The following SAMD12 variants were observed in gnomAD, a reference collection of about 807,000 sequenced individuals.
SAMD12 encodes sterile alpha motif domain containing 12, also known as sterile alpha motif domain-containing protein 12.
SAMD12 carries 9 observed loss-of-function variants against 15.0 expected under a neutral mutation model. The ratio of observed to expected loss-of-function variants is 0.60; its 90% CI spans 0.36 to 1.05. The LOEUF is 1.05. SAMD12 is among the 50% of genes least tolerant of loss of function. The pLI is 0.01. For missense variants in SAMD12, 230 were observed against 234.2 expected (o/e 0.98, Z 0.12); for synonymous variants, 86 against 90.1 (o/e 0.96, Z 0.25).
At chr8:118,280,068 G>T (rs912842760) in intron 4 of SAMD12, among the ~76,000 whole-genome samples, 1 of 152,182 alleles carries the variant, frequency 6.6e-6, no homozygotes, top group Admixed American at 6.5e-5. Context: ...AGCTTTTGGT[G>T]GTGGTGATGT....
At chr8:118,264,409 C>CA (rs1813152568) in intron 4 of SAMD12, among the ~76,000 whole-genome samples, 1 of 151,828 alleles carries the variant, frequency 6.6e-6, no homozygotes, top group African/African-American at 2.4e-5. Context: ...ATTTTAAAGC[C>CA]AAAAAGGGAA....
At chr8:118,555,470 C>T (rs1323507751) in intron 2 of SAMD12, among the ~76,000 whole-genome samples, 1 of 152,178 alleles carries the variant, frequency 6.6e-6, no homozygotes, top group East Asian at 1.9e-4. Context: ...AGGATTTCTC[C>T]TAGTGCATCA....
intron 2 of SAMD12, among the ~76,000 whole-genome samples, chr8:118,507,829 C>A (rs963119764): frequency 1.3e-5 from 2 of 152,004 alleles, no homozygotes; most frequent in Admixed American, 6.6e-5. Flanking sequence ...GCACAGATGA[C>A]TGCAAGGCTT....
intron 3 of SAMD12, among the ~76,000 whole-genome samples, chr8:118,395,775 G>A (rs1014842339): frequency 6.6e-6 from 1 of 152,030 alleles, no homozygotes; most frequent in African/African-American, 2.4e-5. Flanking sequence ...CGGCTAACAC[G>A]GTGAAACCCC....
At chr8:118,534,105 G>A (rs1334697452) in intron 2 of SAMD12, among the ~76,000 whole-genome samples, 1 of 152,130 alleles carries the variant, frequency 6.6e-6, no homozygotes, top group Non-Finnish European at 1.5e-5. Context: ...CATGTTTAGT[G>A]TTTCCTTCAG....
intron 4 of SAMD12, among the ~76,000 whole-genome samples, chr8:118,302,460 AG>A (rs1815100786): frequency 6.6e-6 from 1 of 152,190 alleles, no homozygotes; most frequent in African/African-American, 2.4e-5. Context: ...TATATAATAA[AG>A]GGCTAAACTG....
At position 118,539,406 on chromosome 8, in the gene SAMD12, AGGCTGAACTATTTT is replaced by A. The variant is rs1230554566; in HGVS notation, c.192+41295_192+41308del. ...TGGCTGACTTCTACCCAGGATCAGG[AGGCTGAACTATTTT>A]GACTCCAGCTTCAACCACCAATCCC... On this transcript the variant is annotated intron_variant, in intron 2 of 3. Coordinates refer to ENST00000314727, the MANE Select transcript of SAMD12 (RefSeq NM_207506.3). 2.6e-5 allele frequency among the ~76,000 whole-genome samples: 4 copies of A among 152,350 alleles called. No homozygotes were observed. The East Asian group carries it at 7.7e-4, about 29-fold the overall frequency.
chr8:118,548,709 C>A (rs757725386), intron 2 of SAMD12, among the ~76,000 whole-genome samples: 1 of 152,184 alleles, frequency 6.6e-6, no homozygotes, highest in Non-Finnish European at 1.5e-5. Flanking sequence ...GTGCGCGAGC[C>A]GAAGCAGGGC....
intron 1 of SAMD12, among the ~76,000 whole-genome samples, chr8:118,604,700 TGAG>T (rs1336387671): frequency 6.6e-6 from 1 of 152,046 alleles, no homozygotes; most frequent in Non-Finnish European, 1.5e-5. Flanking sequence ...GGCGGGCGGA[TGAG>T]GAGGTCAGGA....
chr8:118,400,008 T>C (rs1820790287), intron 3 of SAMD12, among the ~76,000 whole-genome samples: 2 of 152,236 alleles, frequency 1.3e-5, no homozygotes, highest in East Asian at 3.8e-4. Flanking sequence ...ATTCTGTGTG[T>C]ATCATCTATT....
intron 1 of SAMD12, among the ~76,000 whole-genome samples, chr8:118,587,255 A>G (rs1827475926): frequency 6.6e-6 from 1 of 152,246 alleles, no homozygotes; most frequent in African/African-American, 2.4e-5. Context: ...CTAATATAAT[A>G]TACACATAAC....
chr8:118,349,594 T>C (rs1450855427), intron 4 of SAMD12, among the ~76,000 whole-genome samples: 1 of 149,058 alleles, frequency 6.7e-6, no homozygotes, highest in Admixed American at 6.8e-5. Context: ...GCTTCCATGG[T>C]GCTGTGCTTA....
Position 118,378,299 on chromosome 8 carries a change from G to T in SAMD12, c.*1118C>A. On this transcript the variant is annotated 3_prime_UTR_variant, in exon 4 of 4. Transcript: ENST00000314727. ...AATTTTCCGTTTTCCAAATAGCACTGTGACAGACTTTCTTATCATAATCTT... is the reference window on the plus strand; with the variant it reads ...AATTTTCCGTTTTCCAAATAGCACTTTGACAGACTTTCTTATCATAATCTT... 1 of 748,952 alleles carries T rather than the reference G, an allele frequency of 1.3e-6. No individual in the cohort carries two copies. Among genetic ancestry groups the T allele is most frequent in the Non-Finnish European group, 1.6e-6 (1 of 614,546 alleles). The allele number at this position is 748,952 out of a possible 1,614,324, so 46.4% of individuals were successfully genotyped here. A position where few individuals can be genotyped will look rare whatever the true frequency, so the allele number is the denominator to read the frequency against.
chr8:118,537,080 A>G (rs1825865063), intron 2 of SAMD12, among the ~76,000 whole-genome samples: 1 of 152,152 alleles, frequency 6.6e-6, no homozygotes, highest in Admixed American at 6.5e-5. Flanking sequence ...TTCCTCCTTC[A>G]GCACTTTAAA....
intron 3 of SAMD12, among the ~76,000 whole-genome samples, chr8:118,385,705 C>T (rs1819918098): frequency 1.3e-5 from 2 of 152,198 alleles, no homozygotes; most frequent in South Asian, 4.1e-4. Flanking sequence ...TGCCTGTGTG[C>T]TGGCACGCAG....
intron 4 of SAMD12, among the ~76,000 whole-genome samples, chr8:118,332,354 G>T (rs2130503623): frequency 6.6e-6 from 1 of 152,298 alleles, no homozygotes; most frequent in African/African-American, 2.4e-5. Flanking sequence ...TCATATGAAT[G>T]AACACTGATC....
At chr8:118,530,012 C>G (rs1337232770) in intron 2 of SAMD12, among the ~76,000 whole-genome samples, 1 of 152,200 alleles carries the variant, frequency 6.6e-6, no homozygotes, top group Non-Finnish European at 1.5e-5. Flanking sequence ...TATAAGTCTT[C>G]CCTTTTCTCT....
At chr8:118,173,878 C>T in the SAMD12 span, among the ~76,000 whole-genome samples, 78 of 152,202 alleles carry the variant, frequency 5.1e-4, no homozygotes, top group African/African-American at 1.6e-3. Flanking sequence ...GATCTGCCTG[C>T]CTTGGCCTCC....
chr8:118,489,694 A>C (rs1824386167), intron 2 of SAMD12, among the ~76,000 whole-genome samples: 1 of 152,178 alleles, frequency 6.6e-6, no homozygotes, highest in Non-Finnish European at 1.5e-5. Context: ...AATGCCTCCA[A>C]TTTTCACATT....
Sources: allele counts gnomAD v4.1 joint callset (sites outside exome capture counted in the v4.1 genomes callset), GRCh38; gene constraint gnomAD v4.1.1; transcripts MANE v1.5; gene names NCBI Gene and HGNC (gene_info 2026-07-23, HGNC 2026-07-21).